The following SAMD3 variants were observed in gnomAD, a reference collection of about 807,000 sequenced individuals.
SAMD3 encodes the protein sterile alpha motif domain-containing protein 3.
A neutral mutation model predicts 58.5 loss-of-function variants in SAMD3; 63 were observed. The ratio of observed to expected loss-of-function variants is 1.08; its 90% CI spans 0.88 to 1.33. The LOEUF is 1.33. Among genes scored for constraint, SAMD3 ranks in the 40% most tolerant of loss-of-function variants. The pLI, the probability that SAMD3 is intolerant of heterozygous loss-of-function variation, is 0.00. For missense variants in SAMD3, 604 were observed against 608.4 expected, an observed-to-expected ratio of 0.99 and a Z score of 0.08; for synonymous variants, 220 against 210.3, an observed-to-expected ratio of 1.05 and a Z score of -0.40.
chr6:130,174,400 T>A (rs113582942), intron 8 of SAMD3, among the ~76,000 whole-genome samples: 96 of 152,328 alleles, frequency 6.3e-4, no homozygotes, highest in African/African-American at 2.1e-3. Flanking sequence ...CATGGCTTCC[T>A]TTGGCTTGGG....
At chr6:130,326,616 G>C (rs1330895910) in intron 1 of SAMD3, among the ~76,000 whole-genome samples, 3 of 152,050 alleles carry the variant, frequency 2.0e-5, no homozygotes, top group Non-Finnish European at 4.4e-5. Flanking sequence ...AATTTTAATG[G>C]TGCACAGAAG....
At chr6:130,304,697 A>G (rs1186230201) in intron 2 of SAMD3, among the ~76,000 whole-genome samples, 1 of 150,420 alleles carries the variant, frequency 6.6e-6, no homozygotes, top group Non-Finnish European at 1.5e-5. Context: ...AAGTTCCATG[A>G]AAAAAAATTA....
intron 7 of SAMD3, among the ~76,000 whole-genome samples, chr6:130,181,788 T>C (rs1407882472): frequency 3.3e-5 from 5 of 152,168 alleles, no homozygotes; most frequent in South Asian, 2.1e-4. Context: ...TACCCTTTTG[T>C]AGTTTTTGAA....
At chr6:130,271,105 T>G (rs1010867117) in intron 2 of SAMD3, among the ~76,000 whole-genome samples, 1 of 152,082 alleles carries the variant, frequency 6.6e-6, no homozygotes, top group African/African-American at 2.4e-5. Context: ...GCTCAAGCGA[T>G]TCTCCTGCCT....
chr6:130,289,063 T>C (rs910857897), intron 2 of SAMD3, among the ~76,000 whole-genome samples: 1 of 152,216 alleles, frequency 6.6e-6, no homozygotes, highest in African/African-American at 2.4e-5. Context: ...ATTTTTTGTC[T>C]TGTAAGACTA....
At chr6:130,199,870 C>T (rs1794480045) in intron 5 of SAMD3, among the ~76,000 whole-genome samples, 1 of 152,018 alleles carries the variant, frequency 6.6e-6, no homozygotes, top group Non-Finnish European at 1.5e-5. Context: ...TTTTATAGCC[C>T]AGGGCTCTCA....
At chr6:130,199,883 C>T (rs1431030858) in intron 5 of SAMD3, among the ~76,000 whole-genome samples, 1 of 152,130 alleles carries the variant, frequency 6.6e-6, no homozygotes, top group African/African-American at 2.4e-5. Flanking sequence ...GGCTCTCACA[C>T]CTGGCAATAA....
intron 2 of SAMD3, among the ~76,000 whole-genome samples, chr6:130,292,260 T>A (rs1280967539): frequency 7.1e-6 from 1 of 140,222 alleles, no homozygotes; most frequent in Non-Finnish European, 1.5e-5. Context: ...TAACTTTTTT[T>A]TTCTTTCTTT....
chr6:130,199,658 G>A (rs968137639), intron 5 of SAMD3, among the ~76,000 whole-genome samples: 2 of 152,148 alleles, frequency 1.3e-5, no homozygotes, highest in African/African-American at 2.4e-5. Flanking sequence ...CAAACAAGAA[G>A]TTTTGAAGAG....
chr6:130,269,822 C>G (rs1339944703), intron 2 of SAMD3, among the ~76,000 whole-genome samples: 1 of 151,770 alleles, frequency 6.6e-6, no homozygotes, highest in Non-Finnish European at 1.5e-5. Context: ...CATCTGAGGT[C>G]TTTCCTCAGT....
At chr6:130,237,868 T>C (rs1773220537) in intron 2 of SAMD3, among the ~76,000 whole-genome samples, 1 of 152,182 alleles carries the variant, frequency 6.6e-6, no homozygotes, top group Admixed American at 6.5e-5. Flanking sequence ...TTTGTGATTA[T>C]TAAAAGGAAC....
At chr6:130,149,041 C>T (rs1176954915) in intron 9 of SAMD3, among the ~76,000 whole-genome samples, 1 of 152,168 alleles carries the variant, frequency 6.6e-6, no homozygotes, top group Non-Finnish European at 1.5e-5. Flanking sequence ...ATTAAATAGC[C>T]ATACATAAAG....
At chr6:130,224,459 G>T (rs1012517329), upstream of SAMD3, among the ~76,000 whole-genome samples, 6 of 151,996 alleles carry the variant, frequency 3.9e-5, no homozygotes, top group Admixed American at 6.6e-5. Flanking sequence ...GATGGGAGGT[G>T]TGGAGACACA....
intron 5 of SAMD3, among the ~76,000 whole-genome samples, chr6:130,191,116 T>C (rs995150019): frequency 5.3e-5 from 8 of 151,942 alleles, no homozygotes; most frequent in Non-Finnish European, 7.4e-5. Context: ...CATGATAATC[T>C]TCCTGTTTGC....
chr6:130,308,895 A>C (rs992480714), intron 2 of SAMD3, among the ~76,000 whole-genome samples: 1 of 152,176 alleles, frequency 6.6e-6, no homozygotes, highest in Non-Finnish European at 1.5e-5. Flanking sequence ...ATCTTTAATG[A>C]AATAATTCAT....
intron 2 of SAMD3, among the ~76,000 whole-genome samples, chr6:130,306,730 C>T (rs919008453): frequency 7.2e-5 from 11 of 152,182 alleles, no homozygotes; most frequent in African/African-American, 2.7e-4. Flanking sequence ...AGAGAGAAAA[C>T]ATTAGACATC....
At chr6:130,170,035 TTTTTA>T (rs1302304448) in intron 8 of SAMD3, among the ~76,000 whole-genome samples, 1 of 152,180 alleles carries the variant, frequency 6.6e-6, no homozygotes, top group Non-Finnish European at 1.5e-5. Flanking sequence ...TACAAAGTGA[TTTTTA>T]TTTTATTTCA....
intron 5 of SAMD3, among the ~76,000 whole-genome samples, chr6:130,185,599 C>T (rs6569660): frequency 0.14 from 21,386 of 150,712 alleles, 1,687 homozygotes; most frequent in African/African-American, 0.19. Flanking sequence ...AGTGCTGGGA[C>T]TACAGGCCTG....
chr6:130,165,217 G>T (rs1026483648), intron 8 of SAMD3, among the ~76,000 whole-genome samples: 6 of 152,054 alleles, frequency 3.9e-5, no homozygotes, highest in Non-Finnish European at 5.9e-5. Context: ...GAAATTAAAA[G>T]AAATTTTGAA....
Sources: allele counts gnomAD v4.1 joint callset (sites outside exome capture counted in the v4.1 genomes callset), GRCh38; gene constraint gnomAD v4.1.1; transcripts MANE v1.5; gene names NCBI Gene and HGNC (gene_info 2026-07-23, HGNC 2026-07-21).